The following GRAMD1B variants were observed in gnomAD, a reference collection of about 807,000 sequenced individuals.
GRAMD1B encodes GRAM domain containing 1B.
GRAMD1B carries 37 observed loss-of-function variants against 99.7 expected under a neutral mutation model. The observed-to-expected ratio is 0.37, with a 90% CI of 0.29 to 0.49. The LOEUF (loss-of-function observed/expected upper bound fraction) is 0.49, where lower values mean the gene tolerates loss of function less well. Among genes scored for constraint, GRAMD1B ranks in the 20% least tolerant of loss-of-function variants. The pLI is 0.98. For missense variants in GRAMD1B, 888 were observed against 1,009.2 expected, an observed-to-expected ratio of 0.88 and a Z score of 1.63; for synonymous variants, 427 against 387.6, an observed-to-expected ratio of 1.10 and a Z score of -1.19.
chr11:123,401,793 C>T (rs1348721734), intron 1 of GRAMD1B, among the ~76,000 whole-genome samples: 1 of 152,126 alleles, frequency 6.6e-6, no homozygotes, highest in Non-Finnish European at 1.5e-5. Flanking sequence ...CCGGCAGTCC[C>T]AGCTACTCAG....
chr11:123,545,096 A>G (rs959677171), intron 2 of GRAMD1B, among the ~76,000 whole-genome samples: 4 of 152,076 alleles, frequency 2.6e-5, no homozygotes, highest in African/African-American at 9.7e-5. Context: ...AGGCTAAGGG[A>G]CAGAATTGCC....
intron 2 of GRAMD1B, among the ~76,000 whole-genome samples, chr11:123,498,812 A>G (rs908403097): frequency 2.6e-5 from 4 of 152,210 alleles, no homozygotes; most frequent in African/African-American, 9.6e-5. Flanking sequence ...TCTGAGTGCT[A>G]TGGACTGGGA....
intron 1 of GRAMD1B, among the ~76,000 whole-genome samples, chr11:123,398,069 C>T (rs1947530288): frequency 1.3e-5 from 2 of 152,226 alleles, no homozygotes; most frequent in South Asian, 2.1e-4. Context: ...TTTGCATAGA[C>T]ATGAATTTGT....
At chr11:123,423,971 G>C (rs1178692174) in intron 1 of GRAMD1B, among the ~76,000 whole-genome samples, 1 of 152,230 alleles carries the variant, frequency 6.6e-6, no homozygotes, top group Non-Finnish European at 1.5e-5. Context: ...CGGCTTCCCA[G>C]TGATTGCTGT....
At chr11:123,616,235 T>A (rs1954366073) in intron 17 of GRAMD1B, among the ~76,000 whole-genome samples, 1 of 152,152 alleles carries the variant, frequency 6.6e-6, no homozygotes, top group Admixed American at 6.5e-5. Context: ...GGCAGGAGAA[T>A]GGCGTGAACC....
chr11:123,541,215 A>G (rs910909619), intron 2 of GRAMD1B, among the ~76,000 whole-genome samples: 2 of 152,112 alleles, frequency 1.3e-5, no homozygotes, highest in African/African-American at 4.8e-5. Flanking sequence ...ACCTCAGGTG[A>G]TCCACCTGCC....
intron 14 of GRAMD1B, among the ~76,000 whole-genome samples, chr11:123,611,172 G>A (rs11219209): frequency 0.032 from 4,895 of 151,628 alleles, 267 homozygotes; most frequent in African/African-American, 0.11. Context: ...TTTGTGCTTC[G>A]TGCCTATATT....
At chr11:123,403,602 G>A (rs1947750532) in intron 1 of GRAMD1B, among the ~76,000 whole-genome samples, 1 of 151,656 alleles carries the variant, frequency 6.6e-6, no homozygotes, top group African/African-American at 2.4e-5. Context: ...GAGTGCAGTG[G>A]CAGCAATCTC....
At chr11:123,516,816 A>G (rs947410393) in intron 2 of GRAMD1B, among the ~76,000 whole-genome samples, 6 of 152,244 alleles carry the variant, frequency 3.9e-5, no homozygotes, top group Non-Finnish European at 8.8e-5. Flanking sequence ...CCCATCTTTT[A>G]TCTTCCTTGT....
At chr11:123,478,029 G>A (rs1417511753) in intron 1 of GRAMD1B, among the ~76,000 whole-genome samples, 1 of 152,084 alleles carries the variant, frequency 6.6e-6, no homozygotes, top group Non-Finnish European at 1.5e-5. Context: ...CTGATCTCAG[G>A]TGATCCACCC....
chr11:123,370,542 G>A (rs1394780897), intron 1 of GRAMD1B, among the ~76,000 whole-genome samples: 1 of 151,800 alleles, frequency 6.6e-6, no homozygotes, highest in Admixed American at 6.6e-5. Flanking sequence ...GGGGTCTCAT[G>A]TTGCCCAGGC....
At chr11:123,592,622 C>T (rs981203371) in intron 4 of GRAMD1B, among the ~76,000 whole-genome samples, 18 of 152,110 alleles carry the variant, frequency 1.2e-4, no homozygotes, top group African/African-American at 4.3e-4. Flanking sequence ...GCTAGGGGGC[C>T]ATCTTGATTC....
intron 2 of GRAMD1B, among the ~76,000 whole-genome samples, chr11:123,552,172 C>G (rs1945676282): frequency 6.7e-6 from 1 of 149,600 alleles, no homozygotes; most frequent in African/African-American, 2.5e-5. Flanking sequence ...TCATTCAACA[C>G]TCTGATGCTG....
intron 1 of GRAMD1B, among the ~76,000 whole-genome samples, chr11:123,387,163 G>T (rs1947093338): frequency 6.6e-6 from 1 of 152,156 alleles, no homozygotes; most frequent in African/African-American, 2.4e-5. Flanking sequence ...AGCCTCCCAG[G>T]TCAGGGAGTG....
intron 2 of GRAMD1B, among the ~76,000 whole-genome samples, chr11:123,561,356 G>A (rs537480221): frequency 5.3e-5 from 8 of 152,370 alleles, no homozygotes; most frequent in African/African-American, 1.7e-4. Context: ...CCCACAGGGA[G>A]AGGGCCATGG....
chr11:123,608,467 G>T, intron 11 of GRAMD1B, 192 bp from the exon 12 acceptor site: 1 of 1,516,146 alleles, frequency 6.6e-7, no homozygotes, highest in East Asian at 2.5e-5. Context: ...GTGCATCCCA[G>T]CAAAAGAAAG....
chr11:123,548,325 T>TATATATATATATATATAC (rs1555067740), intron 2 of GRAMD1B, among the ~76,000 whole-genome samples: 38 of 86,882 alleles, frequency 4.4e-4, no homozygotes, highest in Non-Finnish European at 6.3e-4. Context: ...TATATATATA[T>TATATATATATATATATAC]ACACACACAC....
chr11:123,367,616 C>T (rs780889636), intron 1 of GRAMD1B, among the ~76,000 whole-genome samples: 9 of 152,012 alleles, frequency 5.9e-5, no homozygotes, highest in East Asian at 1.9e-4. Context: ...GCAATGAGGC[C>T]GGCGTGATGA....
chr11:123,434,518 G>C (rs975889078), intron 1 of GRAMD1B, among the ~76,000 whole-genome samples: 2 of 152,160 alleles, frequency 1.3e-5, no homozygotes, highest in Admixed American at 6.5e-5. Context: ...GCGGGGTGTG[G>C]TAGCTCATGC....
Sources: gnomAD v4.1 joint callset for allele counts (sites outside exome capture counted in the v4.1 genomes callset) on GRCh38, gnomAD v4.1.1 for gene constraint, MANE v1.5 for transcripts, NCBI Gene and HGNC (gene_info 2026-07-23, HGNC 2026-07-21) for gene names.